EIF2S2: variants seen among roughly 807,000 people sequenced by gnomAD.
The protein encoded by EIF2S2 is eukaryotic translation initiation factor 2 subunit 2.
Under a neutral mutation model 44.0 loss-of-function variants are expected in EIF2S2, and 4 were observed. The ratio of observed to expected loss-of-function variants is 0.09; its 90% CI spans 0.04 to 0.21. EIF2S2 has a LOEUF of 0.21. Ranked by LOEUF, EIF2S2 falls within the 10% of genes least tolerant of loss-of-function variation. The pLI, the probability that EIF2S2 is intolerant of heterozygous loss-of-function variation, is 1.00. For synonymous variants in EIF2S2, 108 were observed against 128.3 expected (o/e 0.84, Z 1.07); for missense variants, 154 against 392.0 (o/e 0.39, Z 5.13).
At chr20:34,098,158 A>G (rs894866483) in intron 4 of EIF2S2, among the ~76,000 whole-genome samples, 1 of 151,972 alleles carries the variant, frequency 6.6e-6, no homozygotes, top group Non-Finnish European at 1.5e-5. Context: ...AGGCGGGAGA[A>G]TCGCTTGAAC....
intron 1 of EIF2S2, among the ~76,000 whole-genome samples, 184 bp from the exon 2 acceptor site, chr20:34,105,729 C>T (rs2034342330): frequency 6.6e-6 from 1 of 152,138 alleles, no homozygotes. Flanking sequence ...TACTATTAAA[C>T]ATCAGGTGAA....
intron 1 of EIF2S2, among the ~76,000 whole-genome samples, chr20:34,111,631 T>C (rs1312356207): frequency 6.6e-6 from 1 of 152,176 alleles, no homozygotes; most frequent in Non-Finnish European, 1.5e-5. Flanking sequence ...AAGGGCGGGA[T>C]ACCGGCCCCG....
rs778916064 is a variant in EIF2S2, at chr20:34,088,416, TG to T, written c.*1313del. 5 of 152,660 alleles carry T rather than the reference TG, an allele frequency of 3.3e-5. No homozygotes were observed. The highest frequency in any genetic ancestry group is 4.8e-5 in the African/African-American group (2 of 41,454). 9.5% of individuals were successfully genotyped at this position (152,660 alleles called of 1,614,324 possible). On this transcript the variant is annotated 3_prime_UTR_variant, in exon 9 of 9. Transcript: ENST00000374980. Reference sequence around the variant, plus strand: ...GGAAAATGGGGGCATAAACAGCAGTTGGGTTCATCGTGGCAGTTGGTGGCAG... The same window carrying T: ...GGAAAATGGGGGCATAAACAGCAGTTGGTTCATCGTGGCAGTTGGTGGCAG...
At chr20:34,100,051 G>A (rs2034277817) in intron 3 of EIF2S2, among the ~76,000 whole-genome samples, 1 of 152,150 alleles carries the variant, frequency 6.6e-6, no homozygotes, top group Non-Finnish European at 1.5e-5. Flanking sequence ...GTATCACTCT[G>A]TAACTCAGGC....
In EIF2S2 at chr20:34,089,745, A is replaced by G. The variant is rs569920172; in HGVS notation, c.987T>C (p.Arg329=). ...GATTAGCAAATTAGTTAGCTTTGGC[A>G]CGGAGCTGTGCTCGCTTGCCCGTGA... ...QAVTGKRAQL[R]AKAN is the part of the protein sequence containing the mutation. The change falls in exon 9 of 9, where the codon CGT becomes CGC. Residue 329 remains arginine (R), a synonymous_variant. Transcript: ENST00000374980. 14 of 1,610,940 alleles carry G rather than the reference A, an allele frequency of 8.7e-6. No homozygotes were observed. In the Admixed American group the frequency reaches 2.0e-4, roughly 23 times the overall value.
chr20:34,095,790 T>C (rs1349658765), intron 6 of EIF2S2, among the ~76,000 whole-genome samples: 1 of 152,232 alleles, frequency 6.6e-6, no homozygotes, highest in Non-Finnish European at 1.5e-5. Flanking sequence ...TGGTAAAATT[T>C]TGAGTGAATA....
intron 8 of EIF2S2, 100 bp from the exon 9 acceptor site, chr20:34,090,005 G>T: frequency 7.4e-7 from 1 of 1,342,282 alleles, no homozygotes; most frequent in Non-Finnish European, 1.0e-6. Flanking sequence ...ACAAGCCCAG[G>T]CTGAGAATTT....
At chr20:34,091,761 A>T (rs2034166482) in intron 7 of EIF2S2, among the ~76,000 whole-genome samples, 1 of 78,322 alleles carries the variant, frequency 1.3e-5, no homozygotes, top group East Asian at 5.3e-4. Context: ...TATTATTTAT[A>T]TATATTTATT....
intron 1 of EIF2S2, among the ~76,000 whole-genome samples, chr20:34,111,710 T>TGGCACCCCC (rs1319515042): frequency 6.6e-6 from 1 of 152,218 alleles, no homozygotes; most frequent in Non-Finnish European, 1.5e-5. Context: ...GCGGCACCCC[T>TGGCACCCCC]GGCACCCCCG....
chr20:34,097,727 G>A (rs1304135805), intron 4 of EIF2S2, among the ~76,000 whole-genome samples: 1 of 152,112 alleles, frequency 6.6e-6, no homozygotes, highest in African/African-American at 2.4e-5. Context: ...CCTTAATAGA[G>A]ACCTCTCTAA....
intron 7 of EIF2S2, among the ~76,000 whole-genome samples, chr20:34,090,992 C>G (rs1358018769): frequency 4.6e-5 from 7 of 152,046 alleles, no homozygotes; most frequent in Admixed American, 3.9e-4. Context: ...CTCAAGTGAT[C>G]CTCCCACTAT....
chr20:34,090,062 A>C (rs1420045381), intron 8 of EIF2S2, among the ~76,000 whole-genome samples, 157 bp from the exon 9 acceptor site: 1 of 152,228 alleles, frequency 6.6e-6, no homozygotes, highest in Non-Finnish European at 1.5e-5. Context: ...AGGGGTAAGA[A>C]AACACAAGCT....
chr20:34,100,460 C>G (rs2122417758), intron 3 of EIF2S2, among the ~76,000 whole-genome samples: 1 of 152,292 alleles, frequency 6.6e-6, no homozygotes, highest in Admixed American at 6.5e-5. Flanking sequence ...CTAAAGCTAT[C>G]TAGAGATCCC....
chr20:34,103,212 C>A (rs1484801231), intron 3 of EIF2S2, among the ~76,000 whole-genome samples: 2 of 152,186 alleles, frequency 1.3e-5, no homozygotes, highest in Non-Finnish European at 2.9e-5. Context: ...TAGTTAAGGA[C>A]AAGGGACATT....
chr20:34,104,968 G>A (rs1601538206), intron 2 of EIF2S2, among the ~76,000 whole-genome samples: 2 of 152,174 alleles, frequency 1.3e-5, no homozygotes, highest in Admixed American at 1.3e-4. Context: ...ACTAAAGCTG[G>A]TGTCTAACCC....
rs533180175 is a variant in EIF2S2, at chr20:34,105,060, T to G, written c.193+308A>C. ...CACAAAACTGCCTATCTTAGTACCA[T>G]TTCTTTCTGCCCACACTCAAATACA... On this transcript the variant is annotated intron_variant, in intron 2 of 8. Coordinates refer to ENST00000374980, the MANE Select transcript of EIF2S2 (RefSeq NM_003908.5). 1.3e-4 allele frequency among the ~76,000 whole-genome samples: 20 copies of G among 152,330 alleles called. 1 individual carries two copies. Among genetic ancestry groups the G allele is most frequent in the Admixed American group, 1.3e-3 (20 of 15,302 alleles).
At chr20:34,103,022 C>T (rs1005939215) in intron 3 of EIF2S2, among the ~76,000 whole-genome samples, 2 of 152,218 alleles carry the variant, frequency 1.3e-5, no homozygotes, top group Admixed American at 6.5e-5. Flanking sequence ...GGTTTGCCTA[C>T]AGGCCACATT....
intron 4 of EIF2S2, among the ~76,000 whole-genome samples, chr20:34,097,908 GA>G (rs1389090527): frequency 6.6e-6 from 1 of 152,130 alleles, no homozygotes; most frequent in Non-Finnish European, 1.5e-5. Flanking sequence ...ATAGCATTTA[GA>G]AACTAATAAA....
chr20:34,092,155 G>A (rs2034173522), intron 7 of EIF2S2, among the ~76,000 whole-genome samples: 1 of 152,164 alleles, frequency 6.6e-6, no homozygotes. Context: ...TGATTGCAAT[G>A]CTTGATGTAG....
Sources: allele counts gnomAD v4.1 joint callset (sites outside exome capture counted in the v4.1 genomes callset), GRCh38; gene constraint gnomAD v4.1.1; transcripts MANE v1.5; gene names NCBI Gene and HGNC (gene_info 2026-07-23, HGNC 2026-07-21).